GRIA1: variants seen among roughly 807,000 people sequenced by gnomAD.
GRIA1 encodes glutamate ionotropic receptor AMPA type subunit 1, also known as glutamate receptor 1.
A neutral mutation model predicts 99.2 loss-of-function variants in GRIA1; 31 were observed. The ratio of observed to expected loss-of-function variants is 0.31; its 90% CI spans 0.23 to 0.42. The LOEUF is 0.42. GRIA1 is among the 10% of genes least tolerant of loss of function. GRIA1 has a pLI of 1.00. For missense variants in GRIA1, 782 were observed against 1,157.5 expected (o/e 0.68, Z 4.71); for synonymous variants, 438 against 432.4 (o/e 1.01, Z -0.16).
chr5:153,789,335 A>C (rs2964030), intron 13 of GRIA1, among the ~76,000 whole-genome samples: 42,074 of 148,588 alleles, frequency 0.28, 7,819 homozygotes, highest in East Asian at 0.89. Flanking sequence ...ATATATATAT[A>C]TCTCCTACAT....
At chr5:153,761,385 T>C (rs1249110359) in intron 11 of GRIA1, among the ~76,000 whole-genome samples, 2 of 152,058 alleles carry the variant, frequency 1.3e-5, no homozygotes, top group East Asian at 3.9e-4. Flanking sequence ...AAAAAATAAG[T>C]ATACAGATGG....
At chr5:153,546,782 T>A (rs1036723445) in intron 2 of GRIA1, among the ~76,000 whole-genome samples, 2 of 152,224 alleles carry the variant, frequency 1.3e-5, no homozygotes, top group African/African-American at 4.8e-5. Context: ...GGTATGTTAA[T>A]GTGAAGAACC....
intron 2 of GRIA1, among the ~76,000 whole-genome samples, chr5:153,623,957 CCCA>C (rs1767320309): frequency 7.0e-6 from 1 of 142,066 alleles, no homozygotes; most frequent in Non-Finnish European, 1.6e-5. Flanking sequence ...ATTTGTTAAA[CCCA>C]TATATGGATT....
intron 2 of GRIA1, among the ~76,000 whole-genome samples, chr5:153,545,332 G>A (rs886947775): frequency 6.6e-6 from 1 of 152,140 alleles, no homozygotes; most frequent in African/African-American, 2.4e-5. Flanking sequence ...GATTTGAAAT[G>A]GTTGAGGGGT....
chr5:153,570,656 T>C (rs1762031944), intron 2 of GRIA1, among the ~76,000 whole-genome samples: 1 of 152,182 alleles, frequency 6.6e-6, no homozygotes, highest in South Asian at 2.1e-4. Context: ...ATTAACTTAG[T>C]AGCTTTGTGA....
intron 2 of GRIA1, among the ~76,000 whole-genome samples, chr5:153,609,599 T>C (rs1269391607): frequency 7.1e-6 from 1 of 140,438 alleles, no homozygotes. Context: ...AGTCTTGCTC[T>C]GTCACCCAGG....
chr5:153,792,504 T>A (rs1013046820), intron 13 of GRIA1, among the ~76,000 whole-genome samples: 1 of 152,214 alleles, frequency 6.6e-6, no homozygotes, highest in African/African-American at 2.4e-5. Context: ...TGATACCACT[T>A]CCTCTCCCAC....
intron 11 of GRIA1, among the ~76,000 whole-genome samples, chr5:153,711,213 G>T (rs1412027259): frequency 1.3e-5 from 2 of 152,156 alleles, no homozygotes; most frequent in African/African-American, 4.8e-5. Context: ...AGCAAGGGAA[G>T]GATTGATTTG....
intron 2 of GRIA1, among the ~76,000 whole-genome samples, chr5:153,507,230 T>C (rs1755607988): frequency 6.6e-6 from 1 of 152,206 alleles, no homozygotes; most frequent in African/African-American, 2.4e-5. Context: ...CAGCTACTTA[T>C]GTCTTTGTTT....
chr5:153,766,487 T>C (rs1351843033), intron 12 of GRIA1, among the ~76,000 whole-genome samples: 2 of 152,214 alleles, frequency 1.3e-5, no homozygotes, highest in African/African-American at 4.8e-5. Flanking sequence ...ATGGTTTCAT[T>C]TTTGTTTCAC....
At chr5:153,733,664 A>AAAAG (rs1222553437) in intron 11 of GRIA1, among the ~76,000 whole-genome samples, 3 of 152,296 alleles carry the variant, frequency 2.0e-5, no homozygotes, top group African/African-American at 7.2e-5. Flanking sequence ...ATTGTATAGA[A>AAAAG]AAAGATATTT....
intron 10 of GRIA1, among the ~76,000 whole-genome samples, chr5:153,699,479 C>G (rs908147347): frequency 6.6e-6 from 1 of 152,198 alleles, no homozygotes; most frequent in Admixed American, 6.5e-5. Context: ...TTCATGCTCT[C>G]TCATGAAATT....
intron 5 of GRIA1, among the ~76,000 whole-genome samples, chr5:153,672,917 A>G (rs1674715850): frequency 6.6e-6 from 1 of 152,248 alleles, no homozygotes; most frequent in Non-Finnish European, 1.5e-5. Flanking sequence ...GATCAATGGC[A>G]TATGAGTGGA....
intron 6 of GRIA1, among the ~76,000 whole-genome samples, chr5:153,675,663 T>A (rs1303332804): frequency 6.6e-6 from 1 of 152,192 alleles, no homozygotes; most frequent in Non-Finnish European, 1.5e-5. Flanking sequence ...CAGAGATACT[T>A]CTTATCCCAC....
intron 11 of GRIA1, among the ~76,000 whole-genome samples, chr5:153,758,439 G>GA (rs961349482): frequency 3.3e-5 from 5 of 151,650 alleles, no homozygotes; most frequent in South Asian, 2.1e-4. Flanking sequence ...ACATTTTCAG[G>GA]AAAAAAATTA....
In GRIA1 at chr5:153,808,191, G is replaced by A. The variant is rs114754656; in HGVS notation, c.2521-2834G>A. ...CTGTTAGGGAAATAAGGTCCCAAAGGGCCAATTTTAGGGTCTGTAAGTTGG... is the reference window on the plus strand; with the variant it reads ...CTGTTAGGGAAATAAGGTCCCAAAGAGCCAATTTTAGGGTCTGTAAGTTGG... On this transcript the variant is annotated intron_variant, in intron 15 of 15. Transcript: ENST00000285900. Among the ~76,000 whole-genome samples, 901 of 152,202 alleles carry A rather than the reference G, an allele frequency of 5.9e-3. 10 individuals are homozygous for A. Among genetic ancestry groups the A allele is most frequent in the African/African-American group, 0.021 (859 of 41,536 alleles).
At chr5:153,724,136 G>T (rs1304145494) in intron 11 of GRIA1, among the ~76,000 whole-genome samples, 1 of 152,160 alleles carries the variant, frequency 6.6e-6, no homozygotes, top group East Asian at 1.9e-4. Context: ...AGGCAAACAG[G>T]GTCTGGAGTG....
At chr5:153,706,354 G>C (rs1758897116) in intron 11 of GRIA1, among the ~76,000 whole-genome samples, 1 of 152,178 alleles carries the variant, frequency 6.6e-6, no homozygotes, top group Non-Finnish European at 1.5e-5. Flanking sequence ...GAGGAAAGAA[G>C]GGAGCATTGT....
At chr5:153,512,266 C>A (rs1756164266) in intron 2 of GRIA1, among the ~76,000 whole-genome samples, 1 of 151,942 alleles carries the variant, frequency 6.6e-6, no homozygotes, top group South Asian at 2.1e-4. Flanking sequence ...GGTGACTGAC[C>A]CCACTTTACC....
Sources: gnomAD v4.1 joint callset for allele counts (sites outside exome capture counted in the v4.1 genomes callset) on GRCh38, gnomAD v4.1.1 for gene constraint, MANE v1.5 for transcripts, NCBI Gene and HGNC (gene_info 2026-07-23, HGNC 2026-07-21) for gene names.